Variants in CTDSP1 observed in about 807,000 individuals in gnomAD.
CTDSP1 encodes carboxy-terminal domain RNA polymerase II polypeptide A small phosphatase 1.
A neutral mutation model predicts 32.5 loss-of-function variants in CTDSP1; 15 were observed. The observed-to-expected ratio is 0.46, with a 90% CI of 0.31 to 0.71. CTDSP1 has a LOEUF of 0.71. Ranked by LOEUF, CTDSP1 falls within the 30% of genes least tolerant of loss-of-function variation. The pLI, the probability that CTDSP1 is intolerant of heterozygous loss-of-function variation, is 0.05. For missense variants in CTDSP1, 294 were observed against 351.1 expected (o/e 0.84, Z 1.30); for synonymous variants, 185 against 145.4 (o/e 1.27, Z -1.96).
chr2:218,404,563 A>C lies in CTDSP1; in HGVS notation c.*138A>C, dbSNP rs1574802415. ...CCATGGGGAAGCGGGCGTCTCCCCC[A>C]CCAGCCCCACCAGGCGGTGTAGGGG... On this transcript the variant is annotated 3_prime_UTR_variant, in exon 7 of 7. Coordinates refer to ENST00000273062, the MANE Select transcript of CTDSP1 (RefSeq NM_021198.3). 1 of 1,052,754 alleles carries C rather than the reference A, an allele frequency of 9.5e-7. No individual in the cohort carries two copies. Among genetic ancestry groups the C allele is most frequent in the Non-Finnish European group, 1.4e-6 (1 of 733,520 alleles). The allele number at this position is 1,052,754 out of a possible 1,614,324, so 65.2% of individuals were successfully genotyped here.
In CTDSP1 at chr2:218,405,192, A is replaced by G. The variant is rs1416895674; in HGVS notation, c.*767A>G. The G allele has an allele frequency of 6.5e-6, 1 of 152,726 alleles. No individual in the cohort carries two copies. Among genetic ancestry groups the G allele is most frequent in the African/African-American group, 2.4e-5 (1 of 41,418 alleles). The allele number at this position is 152,726 out of a possible 1,614,324, so 9.5% of individuals were successfully genotyped here. On this transcript the variant is annotated 3_prime_UTR_variant, in exon 7 of 7. Transcript: ENST00000273062. ...GTGCCATATAAATATGTACATGTGTATATAGATTTTTAGGGGAAGGAGAGA... is the reference window on the plus strand; with the variant it reads ...GTGCCATATAAATATGTACATGTGTGTATAGATTTTTAGGGGAAGGAGAGA...
Position 218,403,014 on chromosome 2 carries a change from C to A in CTDSP1, c.379-21C>A, listed in dbSNP as rs530186884. 4.6e-5 allele frequency: 73 copies of A among 1,604,358 alleles called. No homozygotes were observed. In the South Asian group the frequency reaches 7.7e-4, roughly 17 times the overall value. On this transcript the variant is annotated intron_variant, in intron 4 of 6. Coordinates refer to ENST00000273062, the MANE Select transcript of CTDSP1 (RefSeq NM_021198.3). ...ACACTGCCCCACTGGCCCGCAGCCC[C>A]CTCACTGGCCCGCCCCCCAGGTCTA...
At chr2:218,397,165 G>A (rs1696840901), upstream of CTDSP1, among the ~76,000 whole-genome samples, 3 of 152,286 alleles carry the variant, frequency 2.0e-5, no homozygotes, top group Middle Eastern at 3.4e-3. Context: ...AGAGTAATGG[G>A]CAGGTTGGTC....
intron 1 of CTDSP1, 55 bp downstream of exon 1, chr2:218,400,212 G>A (rs2106355662): frequency 6.7e-7 from 1 of 1,483,846 alleles, no homozygotes; most frequent in South Asian, 1.3e-5. Flanking sequence ...AGGAGAGAAG[G>A]GGCCGGGATC....
chr2:218,405,387 GTTCA>G lies in CTDSP1; in HGVS notation c.*971_*974del, dbSNP rs963694626. 1.3e-5 allele frequency: 2 copies of G among 152,580 alleles called. No homozygotes were observed. The highest frequency in any genetic ancestry group is 2.4e-5 in the African/African-American group (1 of 41,454). 9.5% of individuals were successfully genotyped at this position (152,580 alleles called of 1,614,324 possible). ...TCTGTCCCTCACACCCCTTTGCTCC[GTTCA>G]TTCATTCAAAAAAACATTTCTTGAG... On this transcript the variant is annotated 3_prime_UTR_variant, in exon 7 of 7. Coordinates refer to ENST00000273062, the MANE Select transcript of CTDSP1 (RefSeq NM_021198.3).
At chr2:218,396,880 G>C (rs1207861004), upstream of CTDSP1, 3 of 152,540 alleles carry the variant, frequency 2.0e-5, no homozygotes, top group Non-Finnish European at 2.9e-5. Context: ...AATTAAAGAT[G>C]TCAGTTCTCA....
At position 218,403,058 on chromosome 2, in the gene CTDSP1, C is replaced by A; in HGVS notation, c.402C>A (p.His134Gln). 1.2e-6 allele frequency: 2 copies of A among 1,613,796 alleles called. No homozygotes were observed. Among genetic ancestry groups the A allele is most frequent in the Non-Finnish European group, 1.7e-6 (2 of 1,179,894 alleles). The change falls in exon 5 of 7, where the codon CAC (histidine) becomes CAA (glutamine). Residue 134 changes from histidine (H) to glutamine (Q), a missense_variant. Around this residue, in one of 2 missense-constraint regions of CTDSP1, gnomAD observed 146 missense variants for 237.7 expected, o/e 0.61. Coordinates refer to ENST00000273062, the MANE Select transcript of CTDSP1 (RefSeq NM_021198.3). ...VHQVYVLKRP[H>Q]VDEFLQRMGE... ...AGGTCTACGTGTTGAAGCGTCCTCA[C>A]GTGGATGAGTTCCTGCAGCGAATGG...
rs1312126300 is a variant in CTDSP1, at chr2:218,403,388, G to A, written c.628G>A (p.Ala210Thr). Residue 210 changes from alanine to threonine, a missense_variant, in exon 6 of 7, where the codon GCC (alanine) becomes ACC (threonine). Ala to Thr is a moderately conservative substitution (Grantham distance 58). Around this residue, in one of 2 missense-constraint regions of CTDSP1, gnomAD observed 146 missense variants for 237.7 expected, o/e 0.61. Coordinates refer to ENST00000273062, the MANE Select transcript of CTDSP1 (RefSeq NM_021198.3). ...GGTGCTCATCCTGGACAATTCACCT[G>A]CCTCCTATGTCTTCCATCCAGACAA... ...RRVLILDNSP[A>T]SYVFHPDNAV... The A allele has an allele frequency of 6.2e-7, 1 of 1,609,088 alleles. No homozygotes were observed.
chr2:218,398,206 G>A (rs929737966), upstream of CTDSP1: 4 of 575,844 alleles, frequency 6.9e-6, no homozygotes, highest in South Asian at 2.0e-5. Flanking sequence ...AGGGGAGACA[G>A]ATGTCCCGCT....
upstream of CTDSP1, chr2:218,399,796 C>A (rs1338362865): frequency 4.5e-6 from 5 of 1,112,726 alleles, no homozygotes; most frequent in Admixed American, 1.0e-4. Context: ...AAGCCGCAGC[C>A]GAGTCCAGGT....
chr2:218,400,745 C>T (rs1323314536), intron 1 of CTDSP1: 1 of 455,512 alleles, frequency 2.2e-6, no homozygotes, highest in Non-Finnish European at 4.4e-6. Context: ...TTGGCGCCCG[C>T]GGGGAGAGTC....
chr2:218,400,289 G>A (rs1437521216), intron 1 of CTDSP1, 132 bp downstream of exon 1: 20 of 826,816 alleles, frequency 2.4e-5, no homozygotes, highest in Non-Finnish European at 3.1e-5. Context: ...CTCCCAGCCC[G>A]AGAGGGAGCA....
Position 218,399,980 on chromosome 2 carries a change from T to TTGCCG in CTDSP1, c.-111_-110insTGCCG. The TTGCCG allele has an allele frequency of 1.1e-6, 1 of 946,498 alleles. No individual in the cohort carries two copies. Among genetic ancestry groups the TTGCCG allele is most frequent in the Non-Finnish European group, 1.3e-6 (1 of 770,552 alleles). The allele number at this position is 946,498 out of a possible 1,614,324, so 58.6% of individuals were successfully genotyped here. On this transcript the variant is annotated 5_prime_UTR_variant, in exon 1 of 7. Transcript: ENST00000273062. ...CCCTCCCCTCCGGAGCTCGCGGGGA[T>TTGCCG]CCCTCCCTCCCACCCCTCCCCTCCC... is the stretch of plus-strand genomic sequence containing the variant.
chr2:218,404,493 C>T lies in CTDSP1; in HGVS notation c.*68C>T. On this transcript the variant is annotated 3_prime_UTR_variant, in exon 7 of 7. Transcript: ENST00000273062. Reference sequence around the variant, plus strand: ...CACACCTCCTCCCAGGAAGACTGCCCAGGCCTTTGTTAGGAAAACCCATGG... The same window carrying T: ...CACACCTCCTCCCAGGAAGACTGCCTAGGCCTTTGTTAGGAAAACCCATGG... 3.8e-6 allele frequency: 6 copies of T among 1,583,292 alleles called. No homozygotes were observed. In the South Asian group the frequency reaches 6.7e-5, roughly 18 times the overall value.
At chr2:218,397,066 G>A (rs909687535), upstream of CTDSP1, among the ~76,000 whole-genome samples, 4 of 152,192 alleles carry the variant, frequency 2.6e-5, no homozygotes, top group African/African-American at 9.7e-5. Context: ...GAGAGTGCCA[G>A]GAGCATGGGG....
intron 3 of CTDSP1, 38 bp downstream of exon 3, chr2:218,402,253 G>A (rs1216174566): frequency 1.2e-6 from 2 of 1,611,376 alleles, no homozygotes; most frequent in Non-Finnish European, 1.7e-6. Flanking sequence ...CGGGTCTCGG[G>A]GGGCATCCCC....
chr2:218,402,123 C>T lies in CTDSP1; in HGVS notation c.229C>T (p.Gln77Ter). The change falls in exon 3 of 7, where the codon CAA becomes TAA. Residue 77 changes from glutamine (Q) to a stop codon, truncating the protein, a stop_gained. Transcript: ENST00000273062. LOFTEE classifies it high-confidence loss of function. ...NGAIPKQTPV[Q>*]YLLPEAKAQD... ...GCCCTCCCTACAGCAGACCCCAGTC[C>T]AATACCTGCTCCCTGAGGCCAAGGC... is the stretch of plus-strand genomic sequence containing the variant. 6.2e-7 allele frequency: 1 copy of T among 1,612,966 alleles called. No individual in the cohort carries two copies. The highest frequency in any genetic ancestry group is 8.5e-7 in the Non-Finnish European group (1 of 1,179,536).
rs1697148633 is a variant in CTDSP1, at chr2:218,401,663, CTCACAGCGGGGCGCCCCTGCTTGT to C, written c.168_191del (p.His57_Val64del). 2 of 1,609,612 alleles carry C rather than the reference CTCACAGCGGGGCGCCCCTGCTTGT, an allele frequency of 1.2e-6. No individual in the cohort carries two copies. The highest frequency in any genetic ancestry group is 8.5e-7 in the Non-Finnish European group (1 of 1,177,808). On this transcript the variant is annotated inframe_deletion, in exon 2 of 7. Transcript: ENST00000273062. ...CGGGATGATGGGGAGGCCCTGCCTGCTCACAGCGGGGCGCCCCTGCTTGTGGAGGAGAATGGCGCCATCCCTAAG... is the reference window on the plus strand; with the variant it reads ...CGGGATGATGGGGAGGCCCTGCCTGCGGAGGAGAATGGCGCCATCCCTAAG...
upstream of CTDSP1, among the ~76,000 whole-genome samples, chr2:218,397,738 G>A (rs554195944): frequency 1.4e-4 from 22 of 152,204 alleles, no homozygotes; most frequent in African/African-American, 5.1e-4. Flanking sequence ...CCTACAGTGA[G>A]GACACTCGAA....
Sources: gnomAD v4.1 joint callset for allele counts (sites outside exome capture counted in the v4.1 genomes callset) on GRCh38, gnomAD v4.1.1 for gene constraint, gnomAD v4.1.1 regional missense constraint, MANE v1.5 for transcripts, NCBI Gene and HGNC (gene_info 2026-07-23, HGNC 2026-07-21) for gene names.